The following ERC1 variants were observed in gnomAD, a reference collection of about 807,000 sequenced individuals.
ERC1 encodes the protein ELKS/RAB6-interacting/CAST family member 1, also known as RAB6 interacting protein 2.
A neutral mutation model predicts 132.0 loss-of-function variants in ERC1; 56 were observed. The ratio of observed to expected loss-of-function variants is 0.42; its 90% CI spans 0.34 to 0.53. ERC1 has a LOEUF of 0.53. Ranked by LOEUF, ERC1 falls within the 20% of genes least tolerant of loss-of-function variation. ERC1 has a pLI of 0.03. For missense variants in ERC1, 1,202 were observed against 1,349.9 expected (o/e 0.89, Z 1.72); for synonymous variants, 478 against 476.1 (o/e 1.00, Z -0.05).
intron 3 of ERC1, 84 bp downstream of exon 3, chr12:1,083,664 T>G: frequency 3.8e-6 from 4 of 1,063,428 alleles, no homozygotes; most frequent in Non-Finnish European, 5.5e-6. Context: ...CCAGTGAATC[T>G]ACGTGCTCTG....
chr12:1,135,846 T>C (rs1189894750), intron 7 of ERC1, among the ~76,000 whole-genome samples: 3 of 152,354 alleles, frequency 2.0e-5, no homozygotes, highest in Admixed American at 6.5e-5. Context: ...ATCTATTGTT[T>C]AAAGCCACCT....
chr12:1,133,548 A>G (rs990649924), intron 7 of ERC1, among the ~76,000 whole-genome samples: 2 of 152,160 alleles, frequency 1.3e-5, no homozygotes, highest in Non-Finnish European at 2.9e-5. Flanking sequence ...GTTGAATTTC[A>G]TATTCCACTA....
intron 12 of ERC1, among the ~76,000 whole-genome samples, chr12:1,229,271 G>T (rs1178499859): frequency 1.3e-5 from 2 of 152,202 alleles, no homozygotes; most frequent in Non-Finnish European, 2.9e-5. Context: ...GGAGGCCAAG[G>T]TGGGAGGATC....
chr12:1,227,663 C>G (rs2074698968), intron 12 of ERC1, among the ~76,000 whole-genome samples: 1 of 152,056 alleles, frequency 6.6e-6, no homozygotes, highest in South Asian at 2.1e-4. Context: ...TGACGCAGTC[C>G]CATTTGTCTA....
At position 1,490,654 on chromosome 12, in the gene ERC1, G is replaced by A. The variant is rs758478423; in HGVS notation, c.*424G>A. 9 of 239,124 alleles carry A rather than the reference G, an allele frequency of 3.8e-5. No homozygotes were observed. The highest frequency in any genetic ancestry group is 6.6e-5 in the Non-Finnish European group (8 of 121,756). 14.8% of individuals were successfully genotyped at this position (239,124 alleles called of 1,614,324 possible). On this transcript the variant is annotated 3_prime_UTR_variant, in exon 19 of 19. Coordinates refer to ENST00000360905, the MANE Select transcript of ERC1 (RefSeq NM_178040.4). Reference sequence around the variant, plus strand: ...GATGCCTCCAATGGACCAGAGAGCTGAGTGTTCTAATATCACAATAGGTGC... The same window carrying A: ...GATGCCTCCAATGGACCAGAGAGCTAAGTGTTCTAATATCACAATAGGTGC...
At chr12:1,341,063 C>CTCTTTTTTTTTTTT (rs1566629703) in intron 15 of ERC1, among the ~76,000 whole-genome samples, 3 of 45,160 alleles carry the variant, frequency 6.6e-5, no homozygotes, top group African/African-American at 2.1e-4. Context: ...TTATTCTTTT[C>CTCTTTTTTTTTTTT]TTTTTCTTTT....
chr12:1,222,503 C>T (rs188195242), intron 12 of ERC1, among the ~76,000 whole-genome samples: 3 of 152,218 alleles, frequency 2.0e-5, no homozygotes, highest in Admixed American at 2.0e-4. Flanking sequence ...GCGTGAGCCA[C>T]CACACCTGGC....
At chr12:1,017,730 C>G (rs1965741825) in intron 1 of ERC1, among the ~76,000 whole-genome samples, 1 of 151,990 alleles carries the variant, frequency 6.6e-6, no homozygotes, top group Non-Finnish European at 1.5e-5. Flanking sequence ...AGCTCCTGGT[C>G]TCAGGTGATC....
At chr12:1,222,316 G>A (rs919617339) in intron 12 of ERC1, among the ~76,000 whole-genome samples, 2 of 150,930 alleles carry the variant, frequency 1.3e-5, no homozygotes, top group African/African-American at 4.9e-5. Flanking sequence ...TGCAACCTCC[G>A]TTTCCTGGGT....
chr12:1,417,999 G>A (rs544477599), intron 17 of ERC1, among the ~76,000 whole-genome samples: 50 of 152,194 alleles, frequency 3.3e-4, no homozygotes, highest in African/African-American at 1.1e-3. Context: ...TTATTTTACT[G>A]CTGAGGAAAC....
rs777642973 is a variant in ERC1 at position 1,190,238 on chromosome 12, C to T, written c.2351+186C>T. ...CTTTGTTGAGGTGTCTGAAAGGCAA[C>T]ATAGAATGGGAATAAATTGGGAAGC... On this transcript the variant is annotated intron_variant, in intron 12 of 18. Coordinates refer to ENST00000360905, the MANE Select transcript of ERC1 (RefSeq NM_178040.4). 3 of 733,382 alleles carry T rather than the reference C, an allele frequency of 4.1e-6. No homozygotes were observed. In the Admixed American group the frequency reaches 5.2e-5, roughly 13 times the overall value. 45.4% of individuals were successfully genotyped at this position (733,382 alleles called of 1,614,324 possible).
At chr12:1,272,839 T>C (rs2077961828) in intron 14 of ERC1, among the ~76,000 whole-genome samples, 1 of 151,208 alleles carries the variant, frequency 6.6e-6, no homozygotes, top group East Asian at 2.0e-4. Flanking sequence ...TCCCAGCTAC[T>C]TGGGAGGCTG....
intron 16 of ERC1, among the ~76,000 whole-genome samples, chr12:1,407,760 C>T (rs1232870317): frequency 6.6e-6 from 1 of 152,162 alleles, no homozygotes; most frequent in East Asian, 1.9e-4. Context: ...CTTGCAGAGG[C>T]TGCCTAATTA....
chr12:1,290,536 C>T (rs1049313956), intron 15 of ERC1, among the ~76,000 whole-genome samples: 1 of 152,146 alleles, frequency 6.6e-6, no homozygotes, highest in African/African-American at 2.4e-5. Context: ...CTGCTTCCCC[C>T]ACATTTTGTA....
intron 18 of ERC1, among the ~76,000 whole-genome samples, chr12:1,460,432 A>C (rs1003028650): frequency 3.4e-4 from 52 of 152,176 alleles, no homozygotes; most frequent in Non-Finnish European, 1.3e-4. Context: ...TTACCCCATG[A>C]GCAGTGCTGC....
chr12:1,385,282 C>A (rs1183170353), intron 16 of ERC1, among the ~76,000 whole-genome samples: 1 of 150,366 alleles, frequency 6.7e-6, no homozygotes, highest in Non-Finnish European at 1.5e-5. Flanking sequence ...ACCTTCCTAT[C>A]TTTTTTTTTT....
chr12:1,007,516 T>TTCTC (rs377671282), intron 1 of ERC1, among the ~76,000 whole-genome samples: 3,141 of 122,478 alleles, frequency 0.026, 73 homozygotes, highest in African/African-American at 0.038. Context: ...CACTGGGTAA[T>TTCTC]TCTCTCTCTC....
chr12:1,378,507 T>A (rs1292018052), intron 16 of ERC1, among the ~76,000 whole-genome samples: 1 of 152,232 alleles, frequency 6.6e-6, no homozygotes, highest in Middle Eastern at 3.2e-3. Context: ...TAGACCTGTC[T>A]GTAGTCTACT....
At chr12:1,076,232 C>T (rs1941313266) in intron 2 of ERC1, among the ~76,000 whole-genome samples, 1 of 152,076 alleles carries the variant, frequency 6.6e-6, no homozygotes, top group Non-Finnish European at 1.5e-5. Flanking sequence ...TTCTTGTTGA[C>T]TGTTGATTAT....
Sources: gnomAD v4.1 joint callset for allele counts (sites outside exome capture counted in the v4.1 genomes callset) on GRCh38, gnomAD v4.1.1 for gene constraint, MANE v1.5 for transcripts, NCBI Gene and HGNC (gene_info 2026-07-23, HGNC 2026-07-21) for gene names.